The following ZNF440 variants were observed in gnomAD, a reference collection of about 807,000 sequenced individuals.
ZNF440 encodes the protein zinc finger protein 440.
In ZNF440, 47 loss-of-function variants were observed where a neutral mutation model predicts 49.7. The ratio of observed to expected loss-of-function variants is 0.95; its 90% CI spans 0.75 to 1.21. The LOEUF (loss-of-function observed/expected upper bound fraction) is 1.21, where lower values mean the gene tolerates loss of function less well. Among genes scored for constraint, ZNF440 ranks in the 50% most tolerant of loss-of-function variants. The probability of loss-of-function intolerance (pLI) is 0.00; values close to 1 mark genes in which losing one functional copy is unlikely to be tolerated. For missense variants in ZNF440, 703 were observed against 715.0 expected, an observed-to-expected ratio of 0.98 and a Z score of 0.19; for synonymous variants, 255 against 237.7, an observed-to-expected ratio of 1.07 and a Z score of -0.67.
chr19:11,824,595 T>C (rs1368967256), intron 1 of ZNF440, among the ~76,000 whole-genome samples: 3 of 152,214 alleles, frequency 2.0e-5, no homozygotes, highest in Non-Finnish European at 4.4e-5. Context: ...TTCACTTTCT[T>C]ATTTAATGGA....
In ZNF440 at chr19:11,831,413, T is replaced by G. The variant is rs376921276; in HGVS notation, c.237T>G (p.His79Gln). 1.2e-6 allele frequency: 2 copies of G among 1,612,306 alleles called. No individual in the cohort carries two copies. The highest frequency in any genetic ancestry group is 3.4e-5 in the Admixed American group (2 of 59,374). ...EKVNEIKDDSHCGETFTPVPD... is the reference protein window; with the variant it reads ...EKVNEIKDDSQCGETFTPVPD... ...TCAATGAAATTAAAGATGACAGTCA[T>G]TGTGGAGAAACTTTTACCCCAGTTC... Residue 79 changes from histidine (H) to glutamine (Q), a missense_variant, in exon 4 of 4, where the codon CAT becomes CAG. Coordinates refer to ENST00000304060, the MANE Select transcript of ZNF440 (RefSeq NM_152357.3).
rs902689778 is a variant in ZNF440 at position 11,833,201 on chromosome 19, C to T, written c.*237C>T. 52 of 1,120,192 alleles carry T rather than the reference C, an allele frequency of 4.6e-5. No homozygotes were observed. In the East Asian group the frequency reaches 8.2e-4, roughly 18 times the overall value. The allele number at this position is 1,120,192 out of a possible 1,614,324, so 69.4% of individuals were successfully genotyped here. On this transcript the variant is annotated 3_prime_UTR_variant, in exon 4 of 4. Transcript: ENST00000304060. ...AGCCTTCAGATCTGTCAAAAATCTTCGATTTCATAAAAGGACACACACTGG... is the reference window on the plus strand; with the variant it reads ...AGCCTTCAGATCTGTCAAAAATCTTTGATTTCATAAAAGGACACACACTGG...
At chr19:11,821,631 T>A (rs1319201073) in intron 1 of ZNF440, among the ~76,000 whole-genome samples, 1 of 151,880 alleles carries the variant, frequency 6.6e-6, no homozygotes, top group Non-Finnish European at 1.5e-5. Context: ...ATTGAGCGCT[T>A]CGGTGAGCAG....
At chr19:11,817,816 ACGT>A (rs1568238388) in intron 1 of ZNF440, 2 of 152,212 alleles carry the variant, frequency 1.3e-5, no homozygotes, top group African/African-American at 4.8e-5. Context: ...AGCTGTGCCT[ACGT>A]GCATGTGGGC....
chr19:11,832,648 G>GTTCAGTAGTTCC lies in ZNF440; in HGVS notation c.1485_1496dup (p.Ser496_Pro499dup). 1.2e-6 allele frequency: 2 copies of GTTCAGTAGTTCC among 1,613,546 alleles called. No homozygotes were observed. The highest frequency in any genetic ancestry group is 1.7e-6 in the Non-Finnish European group (2 of 1,179,884). On this transcript the variant is annotated inframe_insertion, in exon 4 of 4. Transcript: ENST00000304060. ...GAGAAACTCTATGAATGCAAGCAAC[G>GTTCAGTAGTTCC]TTCAGTAGTTCCTTCAGTAGTTCCA...
chr19:11,830,468 T>G (rs537386438), intron 2 of ZNF440, 59 bp downstream of exon 2: 10 of 1,609,204 alleles, frequency 6.2e-6, no homozygotes, highest in Non-Finnish European at 7.6e-6. Flanking sequence ...TCTAGCTCAT[T>G]AATGCTGTTG....
intron 1 of ZNF440, among the ~76,000 whole-genome samples, chr19:11,819,035 G>A (rs1975766591): frequency 6.6e-6 from 1 of 152,154 alleles, no homozygotes; most frequent in South Asian, 2.1e-4. Flanking sequence ...AGGCCCTGTG[G>A]GATGGCTCAC....
chr19:11,823,817 C>G (rs1975827789), intron 1 of ZNF440, among the ~76,000 whole-genome samples: 1 of 151,936 alleles, frequency 6.6e-6, no homozygotes, highest in Non-Finnish European at 1.5e-5. Context: ...ACAAAATTAG[C>G]CAGGCCTGGT....
intron 2 of ZNF440, 46 bp from the exon 3 acceptor site, chr19:11,830,571 A>G (rs375228945): frequency 5.0e-6 from 8 of 1,602,510 alleles, no homozygotes; most frequent in Non-Finnish European, 5.9e-6. Flanking sequence ...ATTTTTTCAC[A>G]ATTTTATACT....
chr19:11,831,854 A>G lies in ZNF440; in HGVS notation c.678A>G (p.Lys226=). 1 of 1,614,098 alleles carries G rather than the reference A, an allele frequency of 6.2e-7. No individual in the cohort carries two copies. The highest frequency in any genetic ancestry group is 8.5e-7 in the Non-Finnish European group (1 of 1,179,980). ...LIHERIHTGE[K]PCECKQCGKS... ...ATGAAAGAATTCACACTGGAGAGAA[A>G]CCATGTGAATGTAAACAGTGTGGTA... The change falls in exon 4 of 4, where the codon AAA becomes AAG. Residue 226 remains lysine (K), a synonymous_variant. Coordinates refer to ENST00000304060, the MANE Select transcript of ZNF440 (RefSeq NM_152357.3).
chr19:11,819,873 C>T (rs1013083537), intron 1 of ZNF440, among the ~76,000 whole-genome samples: 3 of 152,178 alleles, frequency 2.0e-5, no homozygotes, highest in Admixed American at 2.0e-4. Context: ...CCTTAGAATA[C>T]TACACACAGT....
At chr19:11,814,902 T>C in intron 1 of ZNF440, among the ~76,000 whole-genome samples, 1 of 151,334 alleles carries the variant, frequency 6.6e-6, no homozygotes, top group East Asian at 1.9e-4. Context: ...ACGCAGTTTC[T>C]AGCACTTCTG....
At position 11,832,684 on chromosome 19, in the gene ZNF440, A is replaced by G. The variant is rs779837425; in HGVS notation, c.1508A>G (p.Asp503Gly). ...VVPSVVPVPF[D>G]IMKGLTLERS... is the part of the protein sequence containing the mutation. ...CCTTCAGTAGTTCCAGTTCCTTTTG[A>G]TATCATGAAAGGACTCACACTGGAG... Residue 503 changes from aspartate to glycine, a missense_variant, in exon 4 of 4, where the codon GAT becomes GGT. Physicochemically the swap from Asp to Gly is moderately conservative, Grantham distance 94. Transcript: ENST00000304060. 1.2e-6 allele frequency: 2 copies of G among 1,613,876 alleles called. No homozygotes were observed. The highest frequency in any genetic ancestry group is 1.7e-6 in the Non-Finnish European group (2 of 1,179,902).
chr19:11,829,952 GT>G (rs1485723262), intron 1 of ZNF440: 3 of 259,898 alleles, frequency 1.2e-5, no homozygotes, highest in African/African-American at 6.8e-5. Flanking sequence ...GAGAGACTCT[GT>G]CTCTACTAAA....
At chr19:11,826,860 C>A (rs1311997077) in intron 1 of ZNF440, among the ~76,000 whole-genome samples, 1 of 151,852 alleles carries the variant, frequency 6.6e-6, no homozygotes, top group Non-Finnish European at 1.5e-5. Flanking sequence ...GACAGAGTTT[C>A]ACTGTGTTGG....
chr19:11,827,356 C>A (rs1975880312), intron 1 of ZNF440, among the ~76,000 whole-genome samples: 1 of 152,164 alleles, frequency 6.6e-6, no homozygotes, highest in Non-Finnish European at 1.5e-5. Context: ...GCCACCGCAC[C>A]CAGCGTTTTG....
At chr19:11,828,636 C>T (rs1032385440) in intron 1 of ZNF440, among the ~76,000 whole-genome samples, 3 of 151,460 alleles carry the variant, frequency 2.0e-5, no homozygotes, top group Non-Finnish European at 2.9e-5. Context: ...TCAATTATCC[C>T]GAGGTGTCAT....
rs867006665 is a variant in ZNF440, at chr19:11,829,593, C to T, written c.4-690C>T. On this transcript the variant is annotated intron_variant, in intron 1 of 3. Transcript: ENST00000304060. ...AGACATTAGGGACAGCCCAGGCAAC[C>T]CGCTTTTCTCCCTGGGTTCGGTAAA... is the stretch of plus-strand genomic sequence containing the variant. Among the ~76,000 whole-genome samples the T allele has an allele frequency of 9.2e-5, 14 of 152,184 alleles. No individual in the cohort carries two copies. The South Asian group carries it at 1.2e-3, about 14-fold the overall frequency.
At position 11,832,563 on chromosome 19, in the gene ZNF440, T is replaced by C. The variant is rs1975962923; in HGVS notation, c.1387T>C (p.Cys463Arg). 2 of 1,613,946 alleles carry C rather than the reference T, an allele frequency of 1.2e-6. No individual in the cohort carries two copies. The highest frequency in any genetic ancestry group is 1.7e-6 in the Non-Finnish European group (2 of 1,179,988). Reference sequence around the variant, plus strand: ...AGAAAGACGTTATAAATGTAAGATATGTGGGAAAGGCTTTTATTGTCCCAA... The same window carrying C: ...AGAAAGACGTTATAAATGTAAGATACGTGGGAAAGGCTTTTATTGTCCCAA... ...SGERRYKCKI[C>R]GKGFYCPKSF... The change falls in exon 4 of 4, where the codon TGT becomes CGT. Residue 463 changes from cysteine (C) to arginine (R), a missense_variant. Physicochemically the swap from Cys to Arg is radical, Grantham distance 180. Transcript: ENST00000304060.
Sources: gnomAD v4.1 joint callset for allele counts (sites outside exome capture counted in the v4.1 genomes callset) on GRCh38, gnomAD v4.1.1 for gene constraint, MANE v1.5 for transcripts, NCBI Gene and HGNC (gene_info 2026-07-23, HGNC 2026-07-21) for gene names.